The following DHX8 variants were observed in gnomAD, a reference collection of about 807,000 sequenced individuals.
The protein encoded by DHX8 is DEAH-box helicase 8.
A neutral mutation model predicts 140.7 loss-of-function variants in DHX8; 67 were observed. The ratio of observed to expected loss-of-function variants is 0.48; its 90% CI spans 0.39 to 0.58. DHX8 has a LOEUF of 0.58. DHX8 is among the 20% of genes least tolerant of loss of function. The probability of loss-of-function intolerance (pLI) is 0.00; values close to 1 mark genes in which losing one functional copy is unlikely to be tolerated. For synonymous variants in DHX8, 533 were observed against 553.2 expected, an observed-to-expected ratio of 0.96 and a Z score of 0.51; for missense variants, 887 against 1,550.7, an observed-to-expected ratio of 0.57 and a Z score of 7.19.
At chr17:43,517,542 A>C in intron 18 of DHX8, 1 of 536,872 alleles carries the variant, frequency 1.9e-6, no homozygotes, top group Non-Finnish European at 3.3e-6. Flanking sequence ...TTACCATAAC[A>C]ACCAGCAGGA....
chr17:43,504,850 G>A, intron 12 of DHX8, 25 bp downstream of exon 12: 1 of 1,601,234 alleles, frequency 6.2e-7, no homozygotes, highest in East Asian at 2.2e-5. Flanking sequence ...ATGATGTATT[G>A]GTGGGGAGTA....
At position 43,520,359 on chromosome 17, in the gene DHX8, G is replaced by A. The variant is rs71382973; in HGVS notation, c.2937+92G>A. On this transcript the variant is annotated intron_variant, in intron 19 of 22. Coordinates refer to ENST00000262415, the MANE Select transcript of DHX8 (RefSeq NM_004941.3). ...GTCTGTACAAAATCAGGCTGAGGCC[G>A]TGGATAAGCTTTGAGTAAAATTCTA... 3,816 of 1,456,132 alleles carry A rather than the reference G, an allele frequency of 2.6e-3. 88 individuals are homozygous for A. In the African/African-American group the frequency reaches 0.048, roughly 18 times the overall value. 90.2% of individuals were successfully genotyped at this position (1,456,132 alleles called of 1,614,324 possible).
chr17:43,488,135 G>A (rs752080815), intron 1 of DHX8, among the ~76,000 whole-genome samples: 9 of 151,944 alleles, frequency 5.9e-5, no homozygotes, highest in South Asian at 4.1e-4. Flanking sequence ...AAAATTAGCC[G>A]GTCATGGTGG....
downstream of DHX8, chr17:43,526,324 ACCAAGCT>A (rs1970615111): frequency 3.5e-6 from 5 of 1,427,792 alleles, no homozygotes; most frequent in South Asian, 5.9e-5. Context: ...CCCCGCGAGA[ACCAAGCT>A]CAGGAGTTGC....
chr17:43,523,556 A>G (rs1375770955), intron 22 of DHX8, 72 bp from the exon 23 acceptor site: 2 of 1,589,614 alleles, frequency 1.3e-6, no homozygotes, highest in Non-Finnish European at 1.7e-6. Context: ...GCTGAGGCCT[A>G]CTAGGGACCA....
intron 3 of DHX8, among the ~76,000 whole-genome samples, chr17:43,541,500 GAA>G (rs991968183): frequency 3.3e-5 from 5 of 150,358 alleles, no homozygotes; most frequent in African/African-American, 1.0e-4. Context: ...CAGAGAGAGA[GAA>G]AGAATTTTAG....
chr17:43,530,617 T>C (rs1020131144), downstream of DHX8, among the ~76,000 whole-genome samples: 171 of 95,252 alleles, frequency 1.8e-3, no homozygotes, highest in East Asian at 2.6e-3. Context: ...CGCGTGTGTG[T>C]GTGTGTGTGT....
Position 43,508,030 on chromosome 17 carries a change from A to G in DHX8, c.2320+11A>G, listed in dbSNP as rs372102592. ...TAACAGAACCACCAGGTAAGGGGAA[A>G]AAGCAATTTTCCTTTTTGGGAGGCC... is the stretch of plus-strand genomic sequence containing the variant. On this transcript the variant is annotated intron_variant, in intron 15 of 22. Transcript: ENST00000262415. 2 of 1,610,918 alleles carry G rather than the reference A, an allele frequency of 1.2e-6. No individual in the cohort carries two copies. Among genetic ancestry groups the G allele is most frequent in the Admixed American group, 1.7e-5 (1 of 59,532 alleles).
At chr17:43,502,908 C>T (rs1290916670) in intron 11 of DHX8, among the ~76,000 whole-genome samples, 1 of 152,204 alleles carries the variant, frequency 6.6e-6, no homozygotes, top group African/African-American at 2.4e-5. Context: ...CCTCCTTTGG[C>T]CTCTGCCTAA....
intron 15 of DHX8, among the ~76,000 whole-genome samples, 158 bp downstream of exon 15, chr17:43,508,177 G>A (rs1969597531): frequency 6.6e-6 from 1 of 152,120 alleles, no homozygotes; most frequent in Admixed American, 6.6e-5. Context: ...AAATGATGGT[G>A]GTTATAATGT....
At chr17:43,540,144 C>G (rs1308087303) in intron 3 of DHX8, among the ~76,000 whole-genome samples, 1 of 152,166 alleles carries the variant, frequency 6.6e-6, no homozygotes, top group African/African-American at 2.4e-5. Flanking sequence ...TCAAGAGTCA[C>G]CAGGACGTTG....
chr17:43,512,301 C>T (rs1054692316), intron 16 of DHX8, among the ~76,000 whole-genome samples: 2 of 150,794 alleles, frequency 1.3e-5, no homozygotes, highest in Admixed American at 6.6e-5. Flanking sequence ...GCAGGAGAAT[C>T]GCTTGAACCC....
At position 43,517,273 on chromosome 17, in the gene DHX8, T is replaced by C; in HGVS notation, c.2750T>C (p.Val917Ala). The C allele has an allele frequency of 3.1e-6, 5 of 1,613,998 alleles. No homozygotes were observed. The highest frequency in any genetic ancestry group is 4.2e-6 in the Non-Finnish European group (5 of 1,179,992). ...CGAGATGAAATGCTGACCACCAACGTGCCGGAAATCCAGAGAACCAACTTA... is the reference window on the plus strand; with the variant it reads ...CGAGATGAAATGCTGACCACCAACGCGCCGGAAATCCAGAGAACCAACTTA... ...AYRDEMLTTN[V>A]PEIQRTNLAS... Residue 917 changes from valine (V) to alanine (A), a missense_variant, in exon 18 of 23, where the codon GTG becomes GCG. Val to Ala is a moderately conservative substitution (Grantham distance 64). Transcript: ENST00000262415.
chr17:43,485,104 A>C (rs75894680), intron 1 of DHX8, among the ~76,000 whole-genome samples: 2,666 of 152,264 alleles, frequency 0.018, 78 homozygotes, highest in African/African-American at 0.06. Context: ...CAACCAATGG[A>C]TGGATTGACC....
intron 15 of DHX8, 104 bp from the exon 16 acceptor site, chr17:43,508,235 T>C: frequency 7.0e-7 from 1 of 1,429,588 alleles, no homozygotes; most frequent in Non-Finnish European, 9.4e-7. Flanking sequence ...AGAATATGAA[T>C]GCATATGTTC....
chr17:43,508,619 T>A (rs2154586662), intron 16 of DHX8, 99 bp downstream of exon 16: 17 of 149,292 alleles, frequency 1.1e-4, no homozygotes, highest in South Asian at 2.2e-4. Flanking sequence ...TATGCAAGTC[T>A]TTTTTTTTTT....
At chr17:43,508,297 T>C (rs1969604262) in intron 15 of DHX8, 42 bp from the exon 16 acceptor site, 1 of 1,584,128 alleles carries the variant, frequency 6.3e-7, no homozygotes, top group African/African-American at 1.4e-5. Flanking sequence ...AGGACACACA[T>C]ACACACACAG....
intron 10 of DHX8, 40 bp downstream of exon 10, chr17:43,498,999 G>A (rs1969032952): frequency 6.7e-7 from 1 of 1,488,318 alleles, no homozygotes; most frequent in Non-Finnish European, 9.1e-7. Flanking sequence ...ATGTCAAGTG[G>A]ACTTCTTTTT....
At chr17:43,514,562 A>C (rs1198798250) in intron 17 of DHX8, among the ~76,000 whole-genome samples, 1 of 152,158 alleles carries the variant, frequency 6.6e-6, no homozygotes, top group Non-Finnish European at 1.5e-5. Context: ...ACATTTAAAA[A>C]TGAATTACCC....
Sources: allele counts gnomAD v4.1 joint callset (sites outside exome capture counted in the v4.1 genomes callset), GRCh38; gene constraint gnomAD v4.1.1; transcripts MANE v1.5; gene names NCBI Gene and HGNC (gene_info 2026-07-23, HGNC 2026-07-21).